The following FRMPD2 variants were observed in gnomAD, a reference collection of about 807,000 sequenced individuals.
FRMPD2 encodes FERM and PDZ domain-containing protein 2.
Under a neutral mutation model 140.1 loss-of-function variants are expected in FRMPD2, and 96 were observed. That is an observed-to-expected ratio of 0.69 (90% CI 0.58 to 0.81). The LOEUF (loss-of-function observed/expected upper bound fraction) is 0.81. Among genes scored for constraint, FRMPD2 ranks in the 40% least tolerant of loss-of-function variants. The pLI, the probability that FRMPD2 is intolerant of heterozygous loss-of-function variation, is 0.00. For missense variants in FRMPD2, 1,240 were observed against 1,447.4 expected, an observed-to-expected ratio of 0.86 and a Z score of 2.32; for synonymous variants, 449 against 547.6, an observed-to-expected ratio of 0.82 and a Z score of 2.52.
intron 28 of FRMPD2, among the ~76,000 whole-genome samples, chr10:48,159,843 C>T (rs1184018251): frequency 7.9e-5 from 12 of 151,564 alleles, no homozygotes; most frequent in African/African-American, 2.4e-4. Flanking sequence ...ACTTTCCAAC[C>T]GATAAGTGTA....
At chr10:48,187,869 A>C (rs1838726749) in intron 16 of FRMPD2, among the ~76,000 whole-genome samples, 1 of 152,208 alleles carries the variant, frequency 6.6e-6, no homozygotes, top group South Asian at 2.1e-4. Context: ...GCTGTGAACA[A>C]GAAGCATTCA....
intron 1 of FRMPD2, among the ~76,000 whole-genome samples, chr10:48,265,771 T>C (rs1465223265): frequency 1.3e-5 from 2 of 151,956 alleles, no homozygotes; most frequent in Non-Finnish European, 2.9e-5. Context: ...TTGGTGGGAG[T>C]GTAAATTAGT....
At chr10:48,231,289 T>C (rs1271115628) in intron 10 of FRMPD2, among the ~76,000 whole-genome samples, 2 of 152,218 alleles carry the variant, frequency 1.3e-5, no homozygotes, top group African/African-American at 4.8e-5. Context: ...TCATGCTCTA[T>C]GCCTATAATG....
intron 10 of FRMPD2, among the ~76,000 whole-genome samples, chr10:48,226,159 A>C (rs1839716595): frequency 6.6e-6 from 1 of 152,194 alleles, no homozygotes; most frequent in Non-Finnish European, 1.5e-5. Flanking sequence ...TTTTCCTTAG[A>C]ATTAAAATTA....
intron 1 of FRMPD2, among the ~76,000 whole-genome samples, chr10:48,259,297 C>T (rs1459005012): frequency 6.6e-6 from 1 of 152,172 alleles, no homozygotes; most frequent in Non-Finnish European, 1.5e-5. Context: ...ATCCCCACTT[C>T]CAGATGAGTA....
intron 1 of FRMPD2, among the ~76,000 whole-genome samples, chr10:48,264,390 CA>C (rs1220302968): frequency 2.0e-5 from 3 of 151,962 alleles, no homozygotes; most frequent in African/African-American, 7.2e-5. Flanking sequence ...AAATAATGAA[CA>C]AAAAACCTCC....
At position 48,271,978 on chromosome 10, in the gene FRMPD2, G is replaced by A. The variant is rs555920751; in HGVS notation, c.25+2565C>T. 1.1e-4 allele frequency among the ~76,000 whole-genome samples: 17 copies of A among 152,336 alleles called. 1 individual carries two copies. Among genetic ancestry groups the A allele is most frequent in the Non-Finnish European group, 2.1e-4 (14 of 68,034 alleles). On this transcript the variant is annotated intron_variant, in intron 1 of 28. Transcript: ENST00000374201. ...GAATCCTGAGTATATGGAGAGGGCA[G>A]GGAATAGGCTAGAGACAAGCCAGCA...
At chr10:48,267,978 A>G (rs1217761114) in intron 1 of FRMPD2, among the ~76,000 whole-genome samples, 1 of 152,258 alleles carries the variant, frequency 6.6e-6, no homozygotes, top group Non-Finnish European at 1.5e-5. Context: ...TTTAGGTGCC[A>G]TGCTTAATAT....
chr10:48,263,746 C>T (rs1489511704), intron 1 of FRMPD2, among the ~76,000 whole-genome samples: 1 of 152,138 alleles, frequency 6.6e-6, no homozygotes, highest in Non-Finnish European at 1.5e-5. Flanking sequence ...TAATTATCTG[C>T]AATCTCTTCC....
At chr10:48,176,948 C>A (rs1554792243) in intron 22 of FRMPD2, among the ~76,000 whole-genome samples, 7 of 152,102 alleles carry the variant, frequency 4.6e-5, no homozygotes, top group African/African-American at 1.2e-4. Flanking sequence ...AGAATGCCCT[C>A]CATTCACATA....
At chr10:48,249,721 T>G (rs567969106) in intron 2 of FRMPD2, among the ~76,000 whole-genome samples, 129 of 152,208 alleles carry the variant, frequency 8.5e-4, no homozygotes, top group Non-Finnish European at 1.5e-3. Context: ...AGTTGACACC[T>G]GAGTGTGGGT....
intron 18 of FRMPD2, 39 bp from the exon 19 acceptor site, chr10:48,184,920 T>TGCTCTCCCTCTCCCTCCAC: frequency 6.7e-7 from 1 of 1,499,912 alleles, no homozygotes; most frequent in Non-Finnish European, 9.2e-7. Flanking sequence ...AGATGATACT[T>TGCTCTCCCTCTCCCTCCAC]AGTGATTTTG....
At chr10:48,255,657 T>G (rs534752972) in intron 1 of FRMPD2, among the ~76,000 whole-genome samples, 1 of 152,248 alleles carries the variant, frequency 6.6e-6, no homozygotes, top group East Asian at 1.9e-4. Flanking sequence ...GATAGACTAA[T>G]GAAGTAAGAA....
intron 16 of FRMPD2, among the ~76,000 whole-genome samples, chr10:48,191,059 G>A (rs1294873952): frequency 6.6e-6 from 1 of 152,242 alleles, no homozygotes; most frequent in Non-Finnish European, 1.5e-5. Flanking sequence ...GTGCTGACCT[G>A]TGACTATTTT....
chr10:48,250,541 T>C (rs942988774), intron 2 of FRMPD2, among the ~76,000 whole-genome samples: 5 of 151,924 alleles, frequency 3.3e-5, no homozygotes, highest in African/African-American at 1.2e-4. Context: ...GCTGGGATTA[T>C]AAGTGCACGC....
rs150577475 is a variant in FRMPD2 at position 48,243,721 on chromosome 10, C to T, written c.375+1063G>A. On this transcript the variant is annotated intron_variant, in intron 4 of 28. Coordinates refer to ENST00000374201, the MANE Select transcript of FRMPD2 (RefSeq NM_001018071.4). ...ACAAAAGGTTGCATGTGAGAGTGGT[C>T]GTGAGCTGGTCTCTTAGAAAGACCA... is the stretch of plus-strand genomic sequence containing the variant. 1.8e-4 allele frequency among the ~76,000 whole-genome samples: 28 copies of T among 152,156 alleles called. No individual in the cohort carries two copies. In the East Asian group the frequency reaches 4.6e-3, roughly 25 times the overall value.
intron 12 of FRMPD2, among the ~76,000 whole-genome samples, chr10:48,219,488 ATGTCACACTGCTG>A (rs1200868579): frequency 6.6e-6 from 1 of 152,078 alleles, no homozygotes; most frequent in African/African-American, 2.4e-5. Context: ...TTCAGATGTC[ATGTCACACTGCTG>A]GGTCACACTG....
rs1588793437 is a variant in FRMPD2 at position 48,157,152 on chromosome 10, G to A, written c.*170C>T. The A allele has an allele frequency of 8.2e-6, 6 of 731,194 alleles. No individual in the cohort carries two copies. The highest frequency in any genetic ancestry group is 5.2e-5 in the East Asian group (2 of 38,650). 45.3% of individuals were successfully genotyped at this position (731,194 alleles called of 1,614,324 possible). A position where few individuals can be genotyped will look rare whatever the true frequency, so the allele number is the denominator to read the frequency against. ...TCCCCGCGGAAGGACACAGGAGGCA[G>A]ACGAGTGGTGAAGCTCATTATCTGG... is the stretch of plus-strand genomic sequence containing the variant. On this transcript the variant is annotated 3_prime_UTR_variant, in exon 29 of 29. Transcript: ENST00000374201.
intron 1 of FRMPD2, among the ~76,000 whole-genome samples, chr10:48,260,759 A>G (rs1010705689): frequency 4.6e-5 from 7 of 152,196 alleles, no homozygotes. Flanking sequence ...GTCATGTATA[A>G]AAACAACAAA....
Sources: gnomAD v4.1 joint callset for allele counts (sites outside exome capture counted in the v4.1 genomes callset) on GRCh38, gnomAD v4.1.1 for gene constraint, MANE v1.5 for transcripts, NCBI Gene and HGNC (gene_info 2026-07-23, HGNC 2026-07-21) for gene names.